The following SND1 variants were observed in gnomAD, a reference collection of about 807,000 sequenced individuals.
The protein encoded by SND1 is staphylococcal nuclease domain-containing protein 1.
A neutral mutation model predicts 121.7 loss-of-function variants in SND1; 38 were observed. That is an observed-to-expected ratio of 0.31 (90% CI 0.24 to 0.41). The LOEUF (loss-of-function observed/expected upper bound fraction) is 0.41. Ranked by LOEUF, SND1 falls within the 10% of genes least tolerant of loss-of-function variation. SND1 has a pLI of 1.00. For synonymous variants in SND1, 401 were observed against 447.4 expected (o/e 0.90, Z 1.31); for missense variants, 868 against 1,184.6 (o/e 0.73, Z 3.92).
chr7:127,777,069 TC>T (rs1797634088), intron 10 of SND1, among the ~76,000 whole-genome samples: 1 of 152,220 alleles, frequency 6.6e-6, no homozygotes, highest in Admixed American at 6.5e-5. Context: ...GCCCTTTTCA[TC>T]CTCAGTCACA....
chr7:128,038,313 G>C (rs1020569668), intron 16 of SND1, among the ~76,000 whole-genome samples: 1 of 152,216 alleles, frequency 6.6e-6, no homozygotes, highest in Non-Finnish European at 1.5e-5. Flanking sequence ...TGGATGCAAA[G>C]CATCTCTGGA....
intron 9 of SND1, among the ~76,000 whole-genome samples, chr7:127,709,989 A>AT (rs879455745): frequency 0.014 from 2,027 of 146,038 alleles, 51 homozygotes; most frequent in African/African-American, 0.046. Context: ...TTGTTTTGTA[A>AT]TTTTTTTTTT....
chr7:127,708,966 C>G (rs953063523), intron 9 of SND1, among the ~76,000 whole-genome samples: 5 of 152,194 alleles, frequency 3.3e-5, no homozygotes, highest in African/African-American at 9.7e-5. Flanking sequence ...CTCTGAGGAA[C>G]TGGCTAAATT....
intron 16 of SND1, among the ~76,000 whole-genome samples, chr7:128,003,164 C>A (rs940837596): frequency 6.6e-6 from 1 of 152,012 alleles, no homozygotes; most frequent in Non-Finnish European, 1.5e-5. Context: ...GAGCCGAAAT[C>A]GTGCCACTGC....
intron 15 of SND1, among the ~76,000 whole-genome samples, chr7:127,956,725 G>T (rs1314051855): frequency 6.6e-6 from 1 of 152,142 alleles, no homozygotes; most frequent in African/African-American, 2.4e-5. Flanking sequence ...GCTATGGTTG[G>T]GATAGTTTGA....
At chr7:127,844,122 T>A (rs1799014211) in intron 11 of SND1, among the ~76,000 whole-genome samples, 1 of 152,244 alleles carries the variant, frequency 6.6e-6, no homozygotes, top group Admixed American at 6.5e-5. Flanking sequence ...TTTAGATAAA[T>A]GTTCTTTATT....
intron 1 of SND1, among the ~76,000 whole-genome samples, chr7:127,660,193 G>A (rs1795284202): frequency 6.6e-6 from 1 of 152,108 alleles, no homozygotes; most frequent in Non-Finnish European, 1.5e-5. Flanking sequence ...ATAAACTAGT[G>A]GGAGTGTTGC....
In SND1 at chr7:127,955,332, T is replaced by G. The variant is rs58377078; in HGVS notation, c.1669+26003T>G. On this transcript the variant is annotated intron_variant, in intron 15 of 23. Transcript: ENST00000354725. ...TGTATTTATGGATAGGAGCTGGAGT[T>G]ATGACATTTATTTCTGTTGGTTAGG... Among the ~76,000 whole-genome samples the G allele has an allele frequency of 1.8e-3, 280 of 152,272 alleles. 1 individual carries two copies. Among genetic ancestry groups the G allele is most frequent in the African/African-American group, 5.9e-3 (246 of 41,542 alleles).
intron 14 of SND1, among the ~76,000 whole-genome samples, chr7:127,922,428 T>C (rs1391695522): frequency 6.6e-6 from 1 of 152,134 alleles, no homozygotes; most frequent in Non-Finnish European, 1.5e-5. Flanking sequence ...ATTCTAAACA[T>C]AGAGATGTGT....
At chr7:127,897,490 C>T (rs1800143585) in intron 13 of SND1, among the ~76,000 whole-genome samples, 1 of 151,908 alleles carries the variant, frequency 6.6e-6, no homozygotes. Context: ...AATATAGTTA[C>T]AAAAATGGAG....
rs745618732 is a variant in SND1 at position 127,916,061 on chromosome 7, T to TAG, written c.1527+11243_1527+11244insGA. ...ATGTGTGTATATGTATACATATATA[T>TAG]ATAGAGAGAGAGAGAGTTAGCTAGG... On this transcript the variant is annotated intron_variant, in intron 14 of 23. Transcript: ENST00000354725. Among the ~76,000 whole-genome samples the TAG allele has an allele frequency of 2.0e-3, 293 of 145,204 alleles. 3 individuals are homozygous for TAG. Among genetic ancestry groups the TAG allele is most frequent in the Admixed American group, 4.6e-3 (67 of 14,524 alleles).
chr7:127,652,435 G>T lies in SND1; in HGVS notation c.62G>T (p.Arg21Leu), dbSNP rs762529870. 6.4e-7 allele frequency: 1 copy of T among 1,572,602 alleles called. No homozygotes were observed. The change falls in exon 1 of 24, where the codon CGG (arginine) becomes CTG (leucine). Residue 21 changes from arginine to leucine, a missense_variant. By Grantham distance (102) the Arg-to-Leu change is moderately radical (BLOSUM62 -2). Coordinates refer to ENST00000354725, the MANE Select transcript of SND1 (RefSeq NM_014390.4). Reference sequence around the variant, plus strand: ...GGACCCGCGGTCCCCACCGTGCAGCGGGGCATCATCAAGATGGTGAGAACG... The same window carrying T: ...GGACCCGCGGTCCCCACCGTGCAGCTGGGCATCATCAAGATGGTGAGAACG... ...SGGPAVPTVQ[R>L]GIIKMVLSGC...
intron 15 of SND1, among the ~76,000 whole-genome samples, chr7:127,933,366 C>T (rs1261310659): frequency 6.6e-6 from 1 of 152,190 alleles, no homozygotes; most frequent in Non-Finnish European, 1.5e-5. Context: ...GAAGCAAATA[C>T]GTGATAAAAA....
At chr7:127,940,532 C>T (rs1434822517) in intron 15 of SND1, among the ~76,000 whole-genome samples, 1 of 152,094 alleles carries the variant, frequency 6.6e-6, no homozygotes, top group Non-Finnish European at 1.5e-5. Flanking sequence ...ATGGGCAGCG[C>T]CAGGGTGAAC....
At chr7:128,075,996 C>T (rs1454710663) in intron 17 of SND1, among the ~76,000 whole-genome samples, 1 of 152,232 alleles carries the variant, frequency 6.6e-6, no homozygotes, top group East Asian at 1.9e-4. Flanking sequence ...GGCACTTTCA[C>T]AGAAGAGTTA....
intron 16 of SND1, among the ~76,000 whole-genome samples, chr7:128,019,531 T>A (rs2116960972): frequency 6.6e-6 from 1 of 152,296 alleles, no homozygotes; most frequent in South Asian, 2.1e-4. Flanking sequence ...GGAAACTCAT[T>A]TGCCTGAAGC....
chr7:128,067,401 C>T (rs1036255258), intron 16 of SND1, among the ~76,000 whole-genome samples: 10 of 152,222 alleles, frequency 6.6e-5, no homozygotes, highest in Admixed American at 1.3e-4. Flanking sequence ...GAGAATTCTG[C>T]CTCTAAAGCC....
chr7:127,926,720 TTTGTTGTTGTTGTTG>T (rs57562959), intron 14 of SND1, among the ~76,000 whole-genome samples: 6 of 142,760 alleles, frequency 4.2e-5, no homozygotes, highest in African/African-American at 8.2e-5. Flanking sequence ...ACCCGGCTAT[TTTGTTGTTGTTGTTG>T]TTGTTGTTGT....
At chr7:128,040,326 G>C (rs1792828947) in intron 16 of SND1, among the ~76,000 whole-genome samples, 1 of 151,408 alleles carries the variant, frequency 6.6e-6, no homozygotes, top group South Asian at 2.1e-4. Context: ...CCAGCATTTT[G>C]GGAGGCCAAG....
Sources: gnomAD v4.1 joint callset for allele counts (sites outside exome capture counted in the v4.1 genomes callset) on GRCh38, gnomAD v4.1.1 for gene constraint, MANE v1.5 for transcripts, NCBI Gene and HGNC (gene_info 2026-07-23, HGNC 2026-07-21) for gene names.